Variants in KHDRBS2 observed in about 807,000 individuals in gnomAD.
The protein encoded by KHDRBS2 is KH domain-containing, RNA-binding, signal transduction-associated protein 2.
KHDRBS2 carries 26 observed loss-of-function variants against 44.3 expected under a neutral mutation model. The observed-to-expected ratio is 0.59, with a 90% confidence interval of 0.43 to 0.81. The LOEUF (loss-of-function observed/expected upper bound fraction) is 0.81, where lower values mean the gene tolerates loss of function less well. Ranked by LOEUF, KHDRBS2 falls within the 40% of genes least tolerant of loss-of-function variation. The pLI, the probability that KHDRBS2 is intolerant of heterozygous loss-of-function variation, is 0.00. For synonymous variants in KHDRBS2, 194 were observed against 151.1 expected (o/e 1.28, Z -2.08); for missense variants, 476 against 433.1 (o/e 1.10, Z -0.88).
At chr6:62,067,811 C>T (rs1020529167) in intron 2 of KHDRBS2, among the ~76,000 whole-genome samples, 1 of 151,544 alleles carries the variant, frequency 6.6e-6, no homozygotes, top group African/African-American at 2.4e-5. Context: ...CTAGACTGCA[C>T]ATTTTATTTA....
At chr6:61,682,842 C>G (rs1241508560) in intron 8 of KHDRBS2, among the ~76,000 whole-genome samples, 1 of 151,758 alleles carries the variant, frequency 6.6e-6, no homozygotes, top group African/African-American at 2.4e-5. Flanking sequence ...CTAAATAAAA[C>G]TGTTTTTGGT....
the KHDRBS2 span, among the ~76,000 whole-genome samples, chr6:61,548,441 G>A: frequency 1.3e-5 from 2 of 152,094 alleles, no homozygotes; most frequent in African/African-American, 4.8e-5. Context: ...TCTAGGATGA[G>A]GCCTGAGAGT....
chr6:62,021,390 A>G (rs1008094027), intron 3 of KHDRBS2, among the ~76,000 whole-genome samples: 1 of 151,928 alleles, frequency 6.6e-6, no homozygotes, highest in Non-Finnish European at 1.5e-5. Context: ...AAACCTGCAC[A>G]TGTACCCTTG....
chr6:61,697,149 T>C, intron 8 of KHDRBS2, 46 bp downstream of exon 8: 1 of 1,180,594 alleles, frequency 8.5e-7, no homozygotes, highest in Non-Finnish European at 1.3e-6. Flanking sequence ...TGTCGGTGAC[T>C]GATGGATGTT....
At chr6:61,677,676 A>C (rs187994338), downstream of KHDRBS2, among the ~76,000 whole-genome samples, 163 of 152,052 alleles carry the variant, frequency 1.1e-3, no homozygotes, top group African/African-American at 3.8e-3. Context: ...AATTCAACAC[A>C]GCACTTAGTG....
chr6:61,776,554 T>C (rs573002477), intron 6 of KHDRBS2, among the ~76,000 whole-genome samples: 1 of 152,258 alleles, frequency 6.6e-6, no homozygotes, highest in African/African-American at 2.4e-5. Flanking sequence ...CCATCACTGG[T>C]CATCAGAGAA....
chr6:61,551,357 C>T, the KHDRBS2 span, among the ~76,000 whole-genome samples: 3 of 152,084 alleles, frequency 2.0e-5, no homozygotes, highest in East Asian at 1.9e-4. Context: ...TGTACAGAAG[C>T]TCTTTAGTTT....
chr6:61,592,969 A>T, the KHDRBS2 span, among the ~76,000 whole-genome samples: 1 of 152,300 alleles, frequency 6.6e-6, no homozygotes, highest in Middle Eastern at 3.4e-3. Context: ...AAAGCTAGGC[A>T]TCTATATATG....
chr6:62,199,353 C>T (rs1356468418), intron 1 of KHDRBS2, among the ~76,000 whole-genome samples: 1 of 152,130 alleles, frequency 6.6e-6, no homozygotes, highest in Non-Finnish European at 1.5e-5. Context: ...TGTCTCAGCC[C>T]AAAATCTCCT....
chr6:62,122,388 T>G (rs1807871747), intron 2 of KHDRBS2, among the ~76,000 whole-genome samples: 1 of 152,192 alleles, frequency 6.6e-6, no homozygotes, highest in South Asian at 2.1e-4. Flanking sequence ...CCATGTGACT[T>G]GAACTGCCTA....
chr6:61,762,474 C>T (rs1213944328), intron 6 of KHDRBS2, among the ~76,000 whole-genome samples: 4 of 152,094 alleles, frequency 2.6e-5, no homozygotes, highest in East Asian at 3.9e-4. Flanking sequence ...GTGCTGTGCT[C>T]GTGGTAATGA....
the KHDRBS2 span, among the ~76,000 whole-genome samples, chr6:61,589,721 G>C: frequency 6.6e-6 from 1 of 152,150 alleles, no homozygotes; most frequent in Middle Eastern, 3.2e-3. Context: ...CTTGCCCCAA[G>C]TATTTGGTAA....
chr6:61,990,434 T>C (rs1204267282), intron 3 of KHDRBS2, among the ~76,000 whole-genome samples: 1 of 152,188 alleles, frequency 6.6e-6, no homozygotes, highest in Non-Finnish European at 1.5e-5. Flanking sequence ...CAATGGCTTA[T>C]TTAATTCCAC....
At chr6:61,828,967 C>T (rs575329034) in intron 6 of KHDRBS2, among the ~76,000 whole-genome samples, 1 of 152,318 alleles carries the variant, frequency 6.6e-6, no homozygotes, top group South Asian at 2.1e-4. Context: ...TATTAATTTA[C>T]TCTGGAAACC....
At chr6:61,975,434 A>G (rs563579617) in intron 4 of KHDRBS2, among the ~76,000 whole-genome samples, 26 of 152,178 alleles carry the variant, frequency 1.7e-4, no homozygotes, top group Non-Finnish European at 3.5e-4. Flanking sequence ...AAAGAACCTT[A>G]GATCACCAAG....
At chr6:61,930,691 C>T (rs1011546814) in intron 4 of KHDRBS2, among the ~76,000 whole-genome samples, 22 of 150,052 alleles carry the variant, frequency 1.5e-4, no homozygotes, top group East Asian at 9.8e-4. Flanking sequence ...AGTGAGACCC[C>T]GTCTCAAAAA....
the KHDRBS2 span, among the ~76,000 whole-genome samples, chr6:61,657,460 C>T: frequency 2.0e-5 from 3 of 151,948 alleles, no homozygotes; most frequent in South Asian, 6.2e-4. Flanking sequence ...AACCAAAAAG[C>T]AAAAGAACCC....
intron 6 of KHDRBS2, among the ~76,000 whole-genome samples, chr6:61,745,477 T>C (rs1323319277): frequency 1.3e-5 from 2 of 152,174 alleles, no homozygotes; most frequent in East Asian, 3.9e-4. Context: ...TAATGCTTTA[T>C]GTACTTCATA....
the KHDRBS2 span, among the ~76,000 whole-genome samples, chr6:61,550,378 T>G: frequency 6.6e-6 from 1 of 152,188 alleles, no homozygotes; most frequent in Non-Finnish European, 1.5e-5. Context: ...TGATCTCATT[T>G]TTTATGCTGC....
Sources: allele counts gnomAD v4.1 joint callset (sites outside exome capture counted in the v4.1 genomes callset), GRCh38; gene constraint gnomAD v4.1.1; transcripts MANE v1.5; gene names NCBI Gene and HGNC (gene_info 2026-07-23, HGNC 2026-07-21).